The following EYS variants were observed in gnomAD, a reference collection of about 807,000 sequenced individuals.
EYS encodes the protein EGF-like photoreceptor maintenance factor.
EYS carries 250 observed loss-of-function variants against 282.1 expected under a neutral mutation model. The ratio of observed to expected loss-of-function variants is 0.89; its 90% confidence interval spans 0.80 to 0.98. The LOEUF (loss-of-function observed/expected upper bound fraction) is 0.98, where lower values mean the gene tolerates loss of function less well. Among genes scored for constraint, EYS ranks in the 50% least tolerant of loss-of-function variants. The pLI, the probability that EYS is intolerant of heterozygous loss-of-function variation, is 0.00. For missense variants in EYS, 4,016 were observed against 3,709.0 expected (o/e 1.08, Z -2.15); for synonymous variants, 1,355 against 1,282.9 (o/e 1.06, Z -1.20).
intron 35 of EYS, among the ~76,000 whole-genome samples, chr6:63,937,415 T>C (rs976701166): frequency 8.5e-5 from 11 of 128,834 alleles, no homozygotes; most frequent in Non-Finnish European, 1.6e-4. Context: ...GAGTCTCACT[T>C]TGTTGCCCAG....
At chr6:64,772,756 A>G (rs547056654) in intron 22 of EYS, among the ~76,000 whole-genome samples, 13 of 151,876 alleles carry the variant, frequency 8.6e-5, no homozygotes, top group Non-Finnish European at 1.8e-4. Flanking sequence ...AAGTGAGAAC[A>G]TGTGAAATTT....
intron 37 of EYS, among the ~76,000 whole-genome samples, chr6:63,798,355 G>A (rs1284393989): frequency 6.6e-6 from 1 of 152,134 alleles, no homozygotes; most frequent in Non-Finnish European, 1.5e-5. Flanking sequence ...TATAGTACAG[G>A]ATATTTGATT....
At chr6:65,002,699 G>A (rs997957750) in intron 13 of EYS, among the ~76,000 whole-genome samples, 2 of 147,664 alleles carry the variant, frequency 1.4e-5, no homozygotes, top group Admixed American at 6.7e-5. Context: ...TTCATATATT[G>A]AGGTGTTGTG....
Position 65,403,258 on chromosome 6 carries a change from T to C in EYS, c.1057-653A>G, listed in dbSNP as rs141398056. On this transcript the variant is annotated intron_variant, in intron 6 of 42. Transcript: ENST00000503581. Reference sequence around the variant, plus strand: ...ACCATTGGCACCTGAAACAAGTCCATGCATCCATGGGCAGGTAAAAATAAA... The same window carrying C: ...ACCATTGGCACCTGAAACAAGTCCACGCATCCATGGGCAGGTAAAAATAAA... Among the ~76,000 whole-genome samples the C allele has an allele frequency of 4.1e-3, 623 of 152,182 alleles. 5 individuals are homozygous for C. The highest frequency in any genetic ancestry group is 0.014 in the African/African-American group (590 of 41,540).
At chr6:64,614,601 C>A (rs1482712814) in intron 24 of EYS, among the ~76,000 whole-genome samples, 1 of 152,036 alleles carries the variant, frequency 6.6e-6, no homozygotes, top group Non-Finnish European at 1.5e-5. Context: ...ACGATAAACC[C>A]ATCAAAAGTT....
At chr6:63,923,164 A>T in intron 35 of EYS, among the ~76,000 whole-genome samples, 1 of 152,356 alleles carries the variant, frequency 6.6e-6, no homozygotes, top group African/African-American at 2.4e-5. Flanking sequence ...AGGAAAATAT[A>T]TTAATTGTAC....
intron 30 of EYS, among the ~76,000 whole-genome samples, chr6:64,283,810 G>A (rs1768396279): frequency 6.6e-6 from 1 of 152,078 alleles, no homozygotes; most frequent in Non-Finnish European, 1.5e-5. Context: ...GGTGGCAAGA[G>A]AAAATAAGGA....
At chr6:65,595,863 G>T (rs2149787238) in intron 2 of EYS, among the ~76,000 whole-genome samples, 1 of 152,048 alleles carries the variant, frequency 6.6e-6, no homozygotes, top group Non-Finnish European at 1.5e-5. Context: ...TTTAATGAAT[G>T]GAAAATATCA....
chr6:64,649,589 C>T (rs1280948201), intron 22 of EYS, among the ~76,000 whole-genome samples: 1 of 152,166 alleles, frequency 6.6e-6, no homozygotes, highest in Non-Finnish European at 1.5e-5. Flanking sequence ...CTGCCTGCCT[C>T]AGCCTCCCAA....
chr6:65,064,696 C>G (rs184970806), intron 12 of EYS, among the ~76,000 whole-genome samples: 3 of 151,670 alleles, frequency 2.0e-5, no homozygotes, highest in Admixed American at 2.0e-4. Flanking sequence ...AAAAAGAATG[C>G]TATTTCTTGG....
chr6:63,765,499 CTATT>C (rs774563570), intron 40 of EYS, among the ~76,000 whole-genome samples: 220 of 150,880 alleles, frequency 1.5e-3, no homozygotes, highest in Non-Finnish European at 2.4e-3. Context: ...TTTTTTAAAA[CTATT>C]TATTAACTTT....
chr6:65,477,763 A>C (rs1765463999), intron 5 of EYS, among the ~76,000 whole-genome samples: 1 of 152,216 alleles, frequency 6.6e-6, no homozygotes, highest in South Asian at 2.1e-4. Flanking sequence ...CATTTGTAGC[A>C]AATCATACAT....
intron 31 of EYS, among the ~76,000 whole-genome samples, chr6:64,118,995 T>C (rs1472283224): frequency 6.6e-6 from 1 of 152,130 alleles, no homozygotes; most frequent in East Asian, 1.9e-4. Context: ...CACAATGAGA[T>C]ATCATTTTTC....
intron 10 of EYS, among the ~76,000 whole-genome samples, chr6:65,337,144 G>A (rs1386519461): frequency 6.6e-6 from 1 of 151,408 alleles, no homozygotes; most frequent in Non-Finnish European, 1.5e-5. Context: ...TGTTGAATTA[G>A]AATCAAATGA....
At chr6:65,085,024 A>G (rs1301293535) in intron 12 of EYS, among the ~76,000 whole-genome samples, 1 of 152,126 alleles carries the variant, frequency 6.6e-6, no homozygotes, top group Non-Finnish European at 1.5e-5. Flanking sequence ...ACTGGAATCA[A>G]ATCTTAGAAA....
chr6:64,395,987 CAAGT>C (rs1773357801), intron 28 of EYS, among the ~76,000 whole-genome samples: 1 of 151,758 alleles, frequency 6.6e-6, no homozygotes, highest in Admixed American at 6.6e-5. Flanking sequence ...TGAACATAGT[CAAGT>C]AACCACTACC....
intron 12 of EYS, among the ~76,000 whole-genome samples, chr6:65,265,203 C>A (rs1044994320): frequency 2.0e-5 from 3 of 151,868 alleles, no homozygotes; most frequent in Admixed American, 6.6e-5. Context: ...ATGCCCTATA[C>A]CCTAGGTAAC....
intron 31 of EYS, among the ~76,000 whole-genome samples, chr6:64,225,770 T>C (rs939033640): frequency 2.0e-5 from 3 of 152,096 alleles, no homozygotes; most frequent in Non-Finnish European, 4.4e-5. Context: ...AATGTAGTAG[T>C]TCATAGTGAA....
chr6:65,359,609 A>G (rs1009061831), intron 8 of EYS, among the ~76,000 whole-genome samples: 2 of 152,002 alleles, frequency 1.3e-5, no homozygotes, highest in East Asian at 1.9e-4. Context: ...TACAGCATCT[A>G]TATTCCCTGG....
Sources: allele counts gnomAD v4.1 joint callset (sites outside exome capture counted in the v4.1 genomes callset), GRCh38; gene constraint gnomAD v4.1.1; transcripts MANE v1.5; gene names NCBI Gene and HGNC (gene_info 2026-07-23, HGNC 2026-07-21).